Variants in TENM3 observed in about 807,000 individuals in gnomAD.
TENM3 encodes teneurin transmembrane protein 3, also known as teneurin-3.
In TENM3, 63 loss-of-function variants were observed where a neutral mutation model predicts 255.1. That is an observed-to-expected ratio of 0.25 (90% CI 0.20 to 0.30). The LOEUF is 0.30. Ranked by LOEUF, TENM3 falls within the 10% of genes least tolerant of loss-of-function variation. The pLI is 1.00. For missense variants in TENM3, 2,929 were observed against 3,461.1 expected (o/e 0.85, Z 3.86); for synonymous variants, 1,306 against 1,322.3 (o/e 0.99, Z 0.27).
the TENM3 span, among the ~76,000 whole-genome samples, chr4:181,646,790 C>T: frequency 6.6e-6 from 1 of 152,114 alleles, no homozygotes; most frequent in East Asian, 1.9e-4. Flanking sequence ...AGCAGAATCA[C>T]AGTTTTTATA....
the TENM3 span, among the ~76,000 whole-genome samples, chr4:181,625,874 CAAAGT>C: frequency 2.0e-5 from 3 of 151,840 alleles, no homozygotes; most frequent in Admixed American, 6.6e-5. Flanking sequence ...AAAATTCAGT[CAAAGT>C]AGAGTGGGAA....
chr4:181,929,386 T>C, the TENM3 span, among the ~76,000 whole-genome samples: 1 of 148,568 alleles, frequency 6.7e-6, no homozygotes, highest in South Asian at 2.1e-4. Context: ...GCAATCCTAG[T>C]CTCTGGTAAA....
At chr4:181,984,507 T>C in the TENM3 span, among the ~76,000 whole-genome samples, 1 of 152,082 alleles carries the variant, frequency 6.6e-6, no homozygotes, top group Non-Finnish European at 1.5e-5. Flanking sequence ...TCTAGCCTGC[T>C]TTGAATCATG....
At chr4:181,883,126 C>CTTTTTTTTTTTTTTT in the TENM3 span, among the ~76,000 whole-genome samples, 77 of 106,632 alleles carry the variant, frequency 7.2e-4, 3 homozygotes, top group South Asian at 1.2e-3. Context: ...TGCAATTAAT[C>CTTTTTTTTTTTTTTT]TTTTTTTTTT....
chr4:182,230,408 G>A (rs1422933932), intron 1 of TENM3, among the ~76,000 whole-genome samples: 2 of 152,090 alleles, frequency 1.3e-5, no homozygotes, highest in Non-Finnish European at 2.9e-5. Flanking sequence ...GGGACGTGAC[G>A]TTTCCTCCAT....
chr4:181,501,892 G>A, the TENM3 span, among the ~76,000 whole-genome samples: 21 of 152,226 alleles, frequency 1.4e-4, no homozygotes, highest in African/African-American at 3.6e-4. Context: ...GCTACAGGGC[G>A]AGCCGGGACA....
chr4:182,783,087 A>G (rs1305978566), intron 24 of TENM3, among the ~76,000 whole-genome samples: 2 of 150,422 alleles, frequency 1.3e-5, no homozygotes, highest in Non-Finnish European at 3.0e-5. Context: ...TGTGAATTTG[A>G]TCCTGTCATT....
the TENM3 span, among the ~76,000 whole-genome samples, chr4:181,680,114 T>A: frequency 6.6e-6 from 1 of 152,128 alleles, no homozygotes; most frequent in Non-Finnish European, 1.5e-5. Flanking sequence ...TTTGTATTTT[T>A]ATTCTATTTT....
In TENM3 at chr4:182,752,133, T is replaced by TCTAA. The variant is rs3038589; in HGVS notation, c.3862+104_3862+107dup. On this transcript the variant is annotated intron_variant, in intron 20 of 27. Coordinates refer to ENST00000511685, the MANE Select transcript of TENM3 (RefSeq NM_001080477.4). The stretch of plus-strand genomic sequence containing the variant: ...GTGCCTAGTCATGTTTAATGCTGAG[T>TCTAA]CTAACTTTTTACCTTTGACAGTGTT... 132,075 of 743,418 alleles carry TCTAA rather than the reference T, an allele frequency of 0.18. 15,297 individuals are homozygous for TCTAA. The highest frequency in any genetic ancestry group is 0.4 in the African/African-American group (21,935 of 54,916). 46.1% of individuals were successfully genotyped at this position (743,418 alleles called of 1,614,324 possible). A position where few individuals can be genotyped will look rare whatever the true frequency, so the allele number is the denominator to read the frequency against.
the TENM3 span, among the ~76,000 whole-genome samples, chr4:182,007,114 C>A: frequency 7.2e-5 from 11 of 152,158 alleles, no homozygotes; most frequent in South Asian, 2.3e-3. Context: ...GATTTCAGTT[C>A]TTCTGCATTT....
chr4:181,785,815 TAC>T, the TENM3 span, among the ~76,000 whole-genome samples: 3,037 of 149,026 alleles, frequency 0.02, 36 homozygotes, highest in Middle Eastern at 0.058. Flanking sequence ...CACACACACA[TAC>T]ACACACACAC....
At chr4:182,108,527 A>G in the TENM3 span, among the ~76,000 whole-genome samples, 1 of 152,036 alleles carries the variant, frequency 6.6e-6, no homozygotes, top group African/African-American at 2.4e-5. Flanking sequence ...AAATGCGTTA[A>G]GCATCTACAC....
chr4:181,534,371 GCA>G, the TENM3 span, among the ~76,000 whole-genome samples: 2 of 152,096 alleles, frequency 1.3e-5, no homozygotes, highest in African/African-American at 2.4e-5. Context: ...CAATTTCTAA[GCA>G]CAGTGATGAA....
the TENM3 span, among the ~76,000 whole-genome samples, chr4:181,546,633 G>C: frequency 7.1e-6 from 1 of 141,278 alleles, no homozygotes; most frequent in Non-Finnish European, 1.5e-5. Flanking sequence ...AGAATGGCGT[G>C]AACCCGGGAG....
the TENM3 span, among the ~76,000 whole-genome samples, chr4:181,733,585 T>C: frequency 6.6e-6 from 1 of 152,202 alleles, no homozygotes; most frequent in Admixed American, 6.5e-5. Flanking sequence ...CCATTTCATC[T>C]GGTGGGCATC....
At chr4:182,512,029 A>G (rs1273157349) in intron 3 of TENM3, among the ~76,000 whole-genome samples, 3 of 152,208 alleles carry the variant, frequency 2.0e-5, no homozygotes, top group African/African-American at 7.2e-5. Flanking sequence ...CAGGTAGATC[A>G]GACATTCTCA....
In TENM3 at chr4:182,754,606, T is replaced by A; in HGVS notation, c.4239T>A (p.Ser1413Arg). The A allele has an allele frequency of 6.2e-7, 1 of 1,613,932 alleles. No homozygotes were observed. Among genetic ancestry groups the A allele is most frequent in the Non-Finnish European group, 8.5e-7 (1 of 1,179,884 alleles). ...ESATAIAVSY[S>R]GVLYITETDE... ...CCACTGCCATTGCTGTGTCCTACAG[T>A]GGGGTCCTGTACATTACTGAAACTG... The change falls in exon 22 of 28, where the codon AGT becomes AGA. Residue 1413 changes from serine (S) to arginine (R), a missense_variant. By Grantham distance (110) the Ser-to-Arg change is moderately radical (BLOSUM62 -1). Around this residue, in one of 6 missense-constraint regions of TENM3, gnomAD observed 1,608 missense variants for 1,884.4 expected, o/e 0.85. Coordinates refer to ENST00000511685, the MANE Select transcript of TENM3 (RefSeq NM_001080477.4). The surrounding 1 kb of genome is among the most constrained non-coding windows in gnomAD (Gnocchi z 5.1).
the TENM3 span, among the ~76,000 whole-genome samples, chr4:182,122,849 T>C: frequency 1.3e-5 from 2 of 152,170 alleles, no homozygotes; most frequent in African/African-American, 2.4e-5. Flanking sequence ...CATCTTCCCA[T>C]GCAAAGCTGT....
chr4:181,828,604 G>T, the TENM3 span, among the ~76,000 whole-genome samples: 1 of 151,688 alleles, frequency 6.6e-6, no homozygotes, highest in Non-Finnish European at 1.5e-5. Flanking sequence ...TTTTTTATAA[G>T]ATGGGGTCTC....
Sources: gnomAD v4.1 joint callset for allele counts (sites outside exome capture counted in the v4.1 genomes callset) on GRCh38, gnomAD v4.1.1 for gene constraint, gnomAD v4.1.1 regional missense constraint, Gnocchi (gnomAD v3.1) non-coding constraint, MANE v1.5 for transcripts, NCBI Gene and HGNC (gene_info 2026-07-23, HGNC 2026-07-21) for gene names.